The following VSIG10 variants were observed in gnomAD, a reference collection of about 807,000 sequenced individuals.
VSIG10 encodes V-set and immunoglobulin domain-containing protein 10.
VSIG10 carries 48 observed loss-of-function variants against 58.7 expected under a neutral mutation model. The ratio of observed to expected loss-of-function variants is 0.82; its 90% CI spans 0.65 to 1.04. The LOEUF (loss-of-function observed/expected upper bound fraction) is 1.04. VSIG10 is among the 50% of genes least tolerant of loss of function. The pLI, the probability that VSIG10 is intolerant of heterozygous loss-of-function variation, is 0.00. For missense variants in VSIG10, 628 were observed against 670.0 expected, an observed-to-expected ratio of 0.94 and a Z score of 0.69; for synonymous variants, 260 against 267.1, an observed-to-expected ratio of 0.97 and a Z score of 0.26.
chr12:118,080,103 G>A (rs1463842951), intron 3 of VSIG10, among the ~76,000 whole-genome samples: 1 of 151,760 alleles, frequency 6.6e-6, no homozygotes, highest in Non-Finnish European at 1.5e-5. Context: ...CAAAGTGTTG[G>A]GATTATAGGC....
intron 2 of VSIG10, 125 bp from the exon 3 acceptor site, chr12:118,082,554 AGG>A: frequency 1.0e-6 from 1 of 979,822 alleles, no homozygotes; most frequent in Non-Finnish European, 1.5e-6. Flanking sequence ...ATCTAATACT[AGG>A]TGACAAATGC....
intron 7 of VSIG10, among the ~76,000 whole-genome samples, chr12:118,069,422 C>CTTT (rs1227167306): frequency 6.9e-4 from 77 of 111,604 alleles, no homozygotes; most frequent in Middle Eastern, 5.6e-3. Flanking sequence ...TCTTCTTCTT[C>CTTT]TTCTTTTTTT....
chr12:118,094,903 A>G (rs1046890481), intron 2 of VSIG10, among the ~76,000 whole-genome samples: 3 of 124,878 alleles, frequency 2.4e-5, no homozygotes, highest in African/African-American at 9.4e-5. Context: ...TGCCTGGCGA[A>G]TTTTTTTTTT....
At chr12:118,094,452 C>G (rs530578233) in intron 2 of VSIG10, among the ~76,000 whole-genome samples, 2 of 150,698 alleles carry the variant, frequency 1.3e-5, no homozygotes, top group East Asian at 4.0e-4. Flanking sequence ...GGCACGATCT[C>G]GGCTCACCAC....
chr12:118,103,438 G>C (rs2033671613), intron 1 of VSIG10, among the ~76,000 whole-genome samples, 155 bp downstream of exon 1: 1 of 152,164 alleles, frequency 6.6e-6, no homozygotes, highest in African/African-American at 2.4e-5. Flanking sequence ...AGACGGCCGA[G>C]CTGCGAGCAG....
intron 4 of VSIG10, among the ~76,000 whole-genome samples, chr12:118,076,994 G>T (rs1486845859): frequency 2.6e-5 from 4 of 152,150 alleles, no homozygotes; most frequent in Non-Finnish European, 5.9e-5. Context: ...TCAGTCATTG[G>T]ATTACAGCCT....
chr12:118,078,937 T>TAAAAAAAAAAAAAAAAAAAA (rs35469920), intron 4 of VSIG10, among the ~76,000 whole-genome samples: 1 of 39,920 alleles, frequency 2.5e-5, no homozygotes, highest in African/African-American at 9.3e-5. Flanking sequence ...AGACTCTGCC[T>TAAAAAAAAAAAAAAAAAAAA]AAAAAAAAAA....
chr12:118,099,338 A>G (rs927961153), intron 1 of VSIG10, among the ~76,000 whole-genome samples: 2 of 151,806 alleles, frequency 1.3e-5, no homozygotes, highest in African/African-American at 4.8e-5. Context: ...GGGTCTCACT[A>G]TGTTGCCCAG....
rs2032155821 is a variant in VSIG10, at chr12:118,063,796, T to TAGTAAGG, written c.*2836_*2842dup. On this transcript the variant is annotated 3_prime_UTR_variant, in exon 9 of 9. Coordinates refer to ENST00000359236, the MANE Select transcript of VSIG10 (RefSeq NM_019086.6). ...TTATTGCATCATAATACATTTTGCC[T>TAGTAAGG]AGTAAGGATGATTTTCTAAGTCTCA... is the stretch of plus-strand genomic sequence containing the variant. 1 of 152,184 alleles carries TAGTAAGG rather than the reference T, an allele frequency of 6.6e-6. No individual in the cohort carries two copies. Among genetic ancestry groups the TAGTAAGG allele is most frequent in the African/African-American group, 2.4e-5 (1 of 41,446 alleles). 9.4% of individuals were successfully genotyped at this position (152,184 alleles called of 1,614,324 possible).
rs35019751 is a variant in VSIG10 at position 118,066,245 on chromosome 12, C to CAAAAAAAAA, written c.*385_*393dup. On this transcript the variant is annotated 3_prime_UTR_variant, in exon 9 of 9. Coordinates refer to ENST00000359236, the MANE Select transcript of VSIG10 (RefSeq NM_019086.6). ...TGGGCAATAGAGGGAGACTCCGTCTCAAAAAAAAAAAAAAAAAAAAAAAAA... is the reference window on the plus strand; with the variant it reads ...TGGGCAATAGAGGGAGACTCCGTCTCAAAAAAAAAAAAAAAAAAAAAAAAAAAAAAAAAA... The CAAAAAAAAA allele has an allele frequency of 7.5e-4, 30 of 40,208 alleles. 4 individuals carry two copies. Among genetic ancestry groups the CAAAAAAAAA allele is most frequent in the African/African-American group, 3.9e-3 (29 of 7,444 alleles). The allele number at this position is 40,208 out of a possible 1,614,324, so 2.5% of individuals were successfully genotyped here.
intron 3 of VSIG10, 145 bp from the exon 4 acceptor site, chr12:118,079,751 C>G: frequency 8.5e-7 from 1 of 1,171,052 alleles, no homozygotes; most frequent in Non-Finnish European, 1.2e-6. Flanking sequence ...AGCACAAATT[C>G]ATGCCTGACA....
intron 6 of VSIG10, 74 bp downstream of exon 6, chr12:118,071,285 A>G: frequency 3.5e-6 from 5 of 1,445,384 alleles, no homozygotes; most frequent in Non-Finnish European, 4.8e-6. Flanking sequence ...GGAGCAAGGC[A>G]GGGGCCATCC....
At chr12:118,088,691 T>C (rs1349089393) in intron 2 of VSIG10, among the ~76,000 whole-genome samples, 2 of 151,388 alleles carry the variant, frequency 1.3e-5, no homozygotes, top group Middle Eastern at 3.2e-3. Flanking sequence ...CAGAGAGGAG[T>C]CTGCTGTTTA....
chr12:118,074,155 T>G (rs1176239818), intron 4 of VSIG10, among the ~76,000 whole-genome samples, 163 bp from the exon 5 acceptor site: 3 of 152,128 alleles, frequency 2.0e-5, no homozygotes, highest in African/African-American at 7.2e-5. Flanking sequence ...CGATCTCAGC[T>G]CACTGCAACC....
Position 118,071,438 on chromosome 12 carries a change from G to C in VSIG10, c.1251C>G (p.Thr417=). The change falls in exon 6 of 9, where the codon ACC becomes ACG. Residue 417 remains threonine, a synonymous_variant. Transcript: ENST00000359236. ...GTCCCAGCAGAAGGAGGCTCACAAT[G>C]GTTCCCACAATCCCCCCGATATTTA... ...EPLNIGGIVG[T]IVSLLLLGLA... The C allele has an allele frequency of 6.2e-7, 1 of 1,613,888 alleles. No homozygotes were observed.
chr12:118,075,082 GTATATATA>G (rs1015617520), intron 4 of VSIG10, among the ~76,000 whole-genome samples: 5 of 148,676 alleles, frequency 3.4e-5, no homozygotes, highest in South Asian at 2.1e-4. Flanking sequence ...AAAAAGCATA[GTATATATA>G]TGTATATATG....
chr12:118,071,585 G>C, intron 5 of VSIG10, 116 bp from the exon 6 acceptor site: 1 of 877,540 alleles, frequency 1.1e-6, no homozygotes, highest in South Asian at 1.5e-5. Flanking sequence ...CTTGGGTAAG[G>C]CTTATGACCT....
In VSIG10 at chr12:118,079,591, G is replaced by C. The variant is rs770253124; in HGVS notation, c.680C>G (p.Ala227Gly). The C allele has an allele frequency of 6.2e-7, 1 of 1,614,000 alleles. No homozygotes were observed. Among genetic ancestry groups the C allele is most frequent in the South Asian group, 1.1e-5 (1 of 91,080 alleles). ...TGCCATCTGTGCCCAGCACTGGGGAGCTGATGGAGGGGGATCTGCAAAACA... is the reference window on the plus strand; with the variant it reads ...TGCCATCTGTGCCCAGCACTGGGGACCTGATGGAGGGGGATCTGCAAAACA... Reference protein sequence around the residue: ...ELLVYYPPPSAPQCWAQMASG... With the variant: ...ELLVYYPPPSGPQCWAQMASG... The change falls in exon 4 of 9, where the codon GCT (alanine) becomes GGT (glycine). Residue 227 changes from alanine (A) to glycine (G), a missense_variant. Physicochemically the swap from Ala to Gly is moderately conservative, Grantham distance 60 (BLOSUM62 0). Coordinates refer to ENST00000359236, the MANE Select transcript of VSIG10 (RefSeq NM_019086.6).
chr12:118,073,790 G>C lies in VSIG10; in HGVS notation c.1128C>G (p.Asn376Lys). The change falls in exon 5 of 9, where the codon AAC becomes AAG. Residue 376 changes from asparagine (N) to lysine (K), a missense_variant. Asn to Lys is a moderately conservative substitution (Grantham distance 94, BLOSUM62 0). Transcript: ENST00000359236. ...DGQNSTLTIH[N>K]CSQDLDEGYY... is the part of the protein sequence containing the mutation. Reference sequence around the variant, plus strand: ...AGCCCTCATCCAGGTCCTGGGAGCAGTTGTGGATAGTGAGGGTGGAGTTCT... The same window carrying C: ...AGCCCTCATCCAGGTCCTGGGAGCACTTGTGGATAGTGAGGGTGGAGTTCT... The C allele has an allele frequency of 6.2e-7, 1 of 1,614,008 alleles. No homozygotes were observed. Among genetic ancestry groups the C allele is most frequent in the Non-Finnish European group, 8.5e-7 (1 of 1,179,892 alleles).
Sources: allele counts gnomAD v4.1 joint callset (sites outside exome capture counted in the v4.1 genomes callset), GRCh38; gene constraint gnomAD v4.1.1; transcripts MANE v1.5; gene names NCBI Gene and HGNC (gene_info 2026-07-23, HGNC 2026-07-21).